Variants in LINGO2 observed in about 807,000 individuals in gnomAD.
The protein encoded by LINGO2 is leucine-rich repeat and immunoglobulin-like domain-containing nogo receptor-interacting protein 2.
Under a neutral mutation model 30.6 loss-of-function variants are expected in LINGO2, and 14 were observed. The ratio of observed to expected loss-of-function variants is 0.46; its 90% CI spans 0.30 to 0.72. The LOEUF is 0.72. LINGO2 is among the 30% of genes least tolerant of loss of function. The probability of loss-of-function intolerance (pLI) is 0.07; values close to 1 mark genes in which losing one functional copy is unlikely to be tolerated. For missense variants in LINGO2, 729 were observed against 751.7 expected (o/e 0.97, Z 0.35); for synonymous variants, 317 against 288.5 (o/e 1.10, Z -1.00).
intron 4 of LINGO2, among the ~76,000 whole-genome samples, chr9:28,145,522 GCTGT>G (rs1271780265): frequency 6.6e-6 from 1 of 152,108 alleles, no homozygotes. Flanking sequence ...GTCAGGACTG[GCTGT>G]CTGTACTCTA....
At chr9:28,496,496 T>C (rs1456181044) in intron 1 of LINGO2, among the ~76,000 whole-genome samples, 1 of 150,946 alleles carries the variant, frequency 6.6e-6, no homozygotes, top group African/African-American at 2.5e-5. Context: ...TGCCTTTTTG[T>C]TTTCCATTTG....
intron 4 of LINGO2, among the ~76,000 whole-genome samples, chr9:28,224,883 T>G (rs7357815): frequency 0.22 from 33,901 of 151,948 alleles, 3,990 homozygotes; most frequent in African/African-American, 0.29. Context: ...AATATACTAC[T>G]AAGCTATAGT....
intron 1 of LINGO2, among the ~76,000 whole-genome samples, chr9:28,490,355 T>C (rs1826347839): frequency 6.6e-6 from 1 of 152,150 alleles, no homozygotes; most frequent in South Asian, 2.1e-4. Context: ...AGCTCAAGTG[T>C]TTGTTAAAAA....
intron 5 of LINGO2, among the ~76,000 whole-genome samples, chr9:27,994,324 T>A (rs1042223725): frequency 1.3e-5 from 2 of 151,544 alleles, no homozygotes; most frequent in Non-Finnish European, 2.9e-5. Flanking sequence ...AAATTGAAAC[T>A]AAAAAAAAGG....
At chr9:28,039,260 G>C (rs994772391) in intron 4 of LINGO2, among the ~76,000 whole-genome samples, 8 of 152,146 alleles carry the variant, frequency 5.3e-5, no homozygotes, top group African/African-American at 1.9e-4. Context: ...TTAATTTTAA[G>C]AAATTGGGCT....
intron 3 of LINGO2, among the ~76,000 whole-genome samples, chr9:28,348,379 G>C (rs1047588584): frequency 1.3e-5 from 2 of 152,164 alleles, no homozygotes; most frequent in African/African-American, 2.4e-5. Flanking sequence ...GTCAAAGAAA[G>C]GGGTGACGGA....
At chr9:29,047,823 A>G in the LINGO2 span, among the ~76,000 whole-genome samples, 1 of 152,132 alleles carries the variant, frequency 6.6e-6, no homozygotes, top group African/African-American at 2.4e-5. Context: ...TTCCTAGGCC[A>G]GGTGTGGTGG....
At chr9:28,051,169 C>G (rs1824652837) in intron 4 of LINGO2, among the ~76,000 whole-genome samples, 1 of 151,166 alleles carries the variant, frequency 6.6e-6, no homozygotes, top group South Asian at 2.1e-4. Context: ...GAGGCACATT[C>G]CAATCACAGA....
rs150665238 is a variant in LINGO2 at position 28,447,693 on chromosome 9, C to G, written c.-279+28247G>C. 2.7e-4 allele frequency among the ~76,000 whole-genome samples: 41 copies of G among 152,242 alleles called. No homozygotes were observed. The East Asian group carries it at 7.1e-3, about 27-fold the overall frequency. On this transcript the variant is annotated intron_variant, in intron 2 of 5. Transcript: ENST00000379992. ...ATTTTGAAATGATTAATAGAATCTT[C>G]TCTCAGTATTCATTAAAGTCTAAAT...
chr9:29,058,652 C>A, the LINGO2 span, among the ~76,000 whole-genome samples: 1 of 151,584 alleles, frequency 6.6e-6, no homozygotes, highest in African/African-American at 2.4e-5. Context: ...CATACCAAGG[C>A]ACATCATAAT....
At chr9:28,536,696 A>G (rs1369008843) in intron 1 of LINGO2, among the ~76,000 whole-genome samples, 1 of 152,168 alleles carries the variant, frequency 6.6e-6, no homozygotes, top group Non-Finnish European at 1.5e-5. Flanking sequence ...TAAGATATCA[A>G]CAACGAGCAA....
chr9:28,221,298 TAA>T (rs141151588), intron 4 of LINGO2, among the ~76,000 whole-genome samples: 47 of 83,732 alleles, frequency 5.6e-4, no homozygotes, highest in South Asian at 5.5e-3. Flanking sequence ...AGACCCCGTC[TAA>T]AAAAAAAAAA....
the LINGO2 span, among the ~76,000 whole-genome samples, chr9:28,797,519 T>A: frequency 6.6e-6 from 1 of 151,336 alleles, no homozygotes; most frequent in South Asian, 2.1e-4. Flanking sequence ...CTGAGACACT[T>A]TGCCAAAAAG....
the LINGO2 span, among the ~76,000 whole-genome samples, chr9:28,767,252 C>T: frequency 6.6e-6 from 1 of 151,830 alleles, no homozygotes; most frequent in Non-Finnish European, 1.5e-5. Context: ...TCTTTCCTTA[C>T]TAAAAAAAGG....
the LINGO2 span, among the ~76,000 whole-genome samples, chr9:28,863,327 G>C: frequency 6.6e-6 from 1 of 151,954 alleles, no homozygotes; most frequent in African/African-American, 2.4e-5. Flanking sequence ...TAATGTTTCT[G>C]ATGTATCATG....
the LINGO2 span, among the ~76,000 whole-genome samples, chr9:28,932,796 A>G: frequency 6.6e-6 from 1 of 151,896 alleles, no homozygotes; most frequent in East Asian, 1.9e-4. Flanking sequence ...TTTCTTAGTT[A>G]CTCTCAATTT....
intron 2 of LINGO2, among the ~76,000 whole-genome samples, chr9:28,405,092 A>G (rs1822443580): frequency 6.6e-6 from 1 of 152,152 alleles, no homozygotes; most frequent in Non-Finnish European, 1.5e-5. Context: ...GAAAGAAAAC[A>G]CTGAAAACCA....
chr9:28,298,492 T>G (rs1252287992), intron 3 of LINGO2, among the ~76,000 whole-genome samples: 1 of 144,234 alleles, frequency 6.9e-6, no homozygotes, highest in Non-Finnish European at 1.5e-5. Context: ...TGAAATCCTG[T>G]CTCTACCAAA....
At chr9:28,581,520 T>C (rs1283924211) in intron 1 of LINGO2, among the ~76,000 whole-genome samples, 1 of 151,258 alleles carries the variant, frequency 6.6e-6, no homozygotes, top group Non-Finnish European at 1.5e-5. Context: ...TTGTGATATA[T>C]ATATAGAATA....
Sources: allele counts gnomAD v4.1 joint callset (sites outside exome capture counted in the v4.1 genomes callset), GRCh38; gene constraint gnomAD v4.1.1; transcripts MANE v1.5; gene names NCBI Gene and HGNC (gene_info 2026-07-23, HGNC 2026-07-21).